KCNT2: variants seen among roughly 807,000 people sequenced by gnomAD.
The protein encoded by KCNT2 is potassium sodium-activated channel subfamily T member 2.
In KCNT2, 67 loss-of-function variants were observed where a neutral mutation model predicts 153.8. The observed-to-expected ratio is 0.44, with a 90% CI of 0.36 to 0.53. The LOEUF (loss-of-function observed/expected upper bound fraction) is 0.53. KCNT2 is among the 20% of genes least tolerant of loss of function. The pLI is 0.00. For missense variants in KCNT2, 975 were observed against 1,354.8 expected (o/e 0.72, Z 4.40); for synonymous variants, 500 against 458.8 (o/e 1.09, Z -1.15).
At chr1:196,410,708 C>CT (rs1434393108) in intron 12 of KCNT2, among the ~76,000 whole-genome samples, 1 of 37,472 alleles carries the variant, frequency 2.7e-5, no homozygotes, top group East Asian at 1.7e-3. Context: ...GTGCTCAGTG[C>CT]TTAAAAAAAA....
At chr1:196,414,310 G>T (rs1003420628) in intron 12 of KCNT2, among the ~76,000 whole-genome samples, 2 of 151,662 alleles carry the variant, frequency 1.3e-5, no homozygotes. Context: ...AATACTGCAA[G>T]ATTAATCAAT....
At position 196,365,609 on chromosome 1, in the gene KCNT2, CA is replaced by C. The variant is rs377364051; in HGVS notation, c.1403+7530del. ...TATTTGTTTGTTAATGTCATTGTTC[CA>C]AAAAAAATCTAAATAAAATTATGAA... On this transcript the variant is annotated intron_variant, in intron 14 of 27. Transcript: ENST00000294725. 3.6e-3 allele frequency among the ~76,000 whole-genome samples: 542 copies of C among 151,650 alleles called. 5 individuals are homozygous for C. The highest frequency in any genetic ancestry group is 0.012 in the African/African-American group (497 of 41,392).
intron 1 of KCNT2, among the ~76,000 whole-genome samples, chr1:196,558,528 A>G (rs1165369712): frequency 6.6e-6 from 1 of 151,396 alleles, no homozygotes; most frequent in Non-Finnish European, 1.5e-5. Context: ...CAACAAGGCA[A>G]TTATTATGTA....
chr1:196,248,593 A>G (rs1655659584), intron 26 of KCNT2, among the ~76,000 whole-genome samples: 1 of 152,114 alleles, frequency 6.6e-6, no homozygotes, highest in South Asian at 2.1e-4. Flanking sequence ...CAAGATTGAA[A>G]CATGAAGAAA....
chr1:196,418,234 G>T (rs1422688901), intron 12 of KCNT2, among the ~76,000 whole-genome samples: 5 of 152,142 alleles, frequency 3.3e-5, no homozygotes, highest in African/African-American at 1.2e-4. Context: ...CCAGCGCTTT[G>T]GGAGGCCAAG....
chr1:196,565,350 A>C (rs1001618516), intron 1 of KCNT2, among the ~76,000 whole-genome samples: 1 of 151,748 alleles, frequency 6.6e-6, no homozygotes, highest in Admixed American at 6.6e-5. Flanking sequence ...TGGAAGTGTG[A>C]ATTAGTAGAG....
At chr1:196,552,962 G>A (rs1012401467) in intron 1 of KCNT2, among the ~76,000 whole-genome samples, 1 of 150,994 alleles carries the variant, frequency 6.6e-6, no homozygotes, top group African/African-American at 2.4e-5. Context: ...CATACCATGA[G>A]AGAAAATCAA....
intron 1 of KCNT2, among the ~76,000 whole-genome samples, chr1:196,537,179 G>T (rs1337412627): frequency 1.3e-5 from 2 of 152,112 alleles, no homozygotes; most frequent in Admixed American, 6.5e-5. Context: ...CTAGGCAAGG[G>T]GAGCATTGCC....
rs373463544 is a variant in KCNT2 at position 196,394,586 on chromosome 1, C to A, written c.1294+3977G>T. ...TTAGAAATCTAATAAGAGATATTGA[C>A]CATGCAGTTGAAGATTCAAAACTGA... On this transcript the variant is annotated intron_variant, in intron 13 of 27. Coordinates refer to ENST00000294725, the MANE Select transcript of KCNT2 (RefSeq NM_198503.5). Among the ~76,000 whole-genome samples, 4 of 151,532 alleles carry A rather than the reference C, an allele frequency of 2.6e-5. No homozygotes were observed. The East Asian group carries it at 7.8e-4, about 30-fold the overall frequency.
rs142546287 is a variant in KCNT2 at position 196,340,393 on chromosome 1, C to T, written c.1731G>A (p.Ser577=). 0.06 allele frequency: 97,116 copies of T among 1,611,730 alleles called. 3,531 individuals carry two copies. Among genetic ancestry groups the T allele is most frequent in the Non-Finnish European group, 0.069 (81,504 of 1,178,594 alleles). The change falls in exon 16 of 28, where the codon TCG becomes TCA. Residue 577 remains serine (S), a synonymous_variant. Coordinates refer to ENST00000294725, the MANE Select transcript of KCNT2 (RefSeq NM_198503.5). The stretch of plus-strand genomic sequence containing the variant: ...GTAATCTGGAAGGTCCATGATAAAA[C>T]GACCTGGACACATTGCTTTTTCTCT... ...DQQRKSNVSR[S]FYHGPSRLPV...
rs553260401 is a variant in KCNT2 at position 196,265,252 on chromosome 1, A to C, written c.2911-6758T>G. On this transcript the variant is annotated intron_variant, in intron 25 of 27. Coordinates refer to ENST00000294725, the MANE Select transcript of KCNT2 (RefSeq NM_198503.5). ...ATGTTTTGCCTTGTTAATTTGTTGT[A>C]TTGTCGAGACAATTATGCTGTTTGA... is the stretch of plus-strand genomic sequence containing the variant. Among the ~76,000 whole-genome samples the C allele has an allele frequency of 6.2e-4, 94 of 152,204 alleles. 2 individuals are homozygous for C. In the South Asian group the frequency reaches 0.018, roughly 30 times the overall value.
chr1:196,485,306 G>A (rs1376830390), intron 3 of KCNT2, among the ~76,000 whole-genome samples: 1 of 151,930 alleles, frequency 6.6e-6, no homozygotes, highest in Non-Finnish European at 1.5e-5. Flanking sequence ...GGGATTGGGG[G>A]GCGAGGGGAA....
At chr1:196,331,056 A>G in intron 18 of KCNT2, 100 bp downstream of exon 18, 1 of 722,318 alleles carries the variant, frequency 1.4e-6, no homozygotes, top group Admixed American at 2.1e-5. Context: ...TACCCCTTAA[A>G]CATATTGTAA....
chr1:196,368,918 T>C (rs1345730797), intron 14 of KCNT2, among the ~76,000 whole-genome samples: 3 of 152,178 alleles, frequency 2.0e-5, no homozygotes, highest in African/African-American at 7.2e-5. Context: ...CTGCCAACTA[T>C]GTACTTCATT....
At chr1:196,385,876 A>G (rs532060469) in intron 13 of KCNT2, among the ~76,000 whole-genome samples, 1 of 151,804 alleles carries the variant, frequency 6.6e-6, no homozygotes, top group African/African-American at 2.4e-5. Context: ...GCCCCAAATA[A>G]CTCTTACATG....
chr1:196,241,588 A>G (rs750335194), intron 26 of KCNT2, among the ~76,000 whole-genome samples: 4 of 152,128 alleles, frequency 2.6e-5, no homozygotes, highest in African/African-American at 4.8e-5. Context: ...TAATCATTTT[A>G]TGATAGGCAA....
Position 196,286,639 on chromosome 1 carries a change from A to ACACACC in KCNT2, c.2596-882_2596-881insGGTGTG, listed in dbSNP as rs1491187661. ...ATATCACACACACACACACACACAT[A>ACACACC]CACACACACACACACACACACACAC... On this transcript the variant is annotated intron_variant, in intron 22 of 27. Transcript: ENST00000294725. Among the ~76,000 whole-genome samples the ACACACC allele has an allele frequency of 2.0e-4, 19 of 96,846 alleles. No homozygotes were observed. In the South Asian group the frequency reaches 3.2e-3, roughly 16 times the overall value. 63.5% of individuals were successfully genotyped at this position (96,846 alleles called of 152,430 possible).
chr1:196,280,865 A>G lies in KCNT2; in HGVS notation c.2905T>C (p.Ser969Pro). ...ATATTTTGTTATTTCCAAACCTCAG[A>G]TGTAGTAAGTTTCTGAGACTCAGTC... ...YRTESQKLTTSESQISISVEE... is the reference protein window; with the variant it reads ...YRTESQKLTTPESQISISVEE... Residue 969 changes from serine (S) to proline (P), a missense_variant, in exon 25 of 28, where the codon TCT becomes CCT. By Grantham distance (74) the Ser-to-Pro change is moderately conservative. This residue lies in a region of KCNT2 where 241 missense variants were observed against 271.1 expected (regional missense o/e 0.89). Coordinates refer to ENST00000294725, the MANE Select transcript of KCNT2 (RefSeq NM_198503.5). The G allele has an allele frequency of 2.5e-6, 4 of 1,612,192 alleles. No individual in the cohort carries two copies. The highest frequency in any genetic ancestry group is 3.4e-6 in the Non-Finnish European group (4 of 1,178,468).
chr1:196,445,346 G>A lies in KCNT2; in HGVS notation c.639-15589C>T, dbSNP rs919388775. ...TTTCCAAAAGAATATCTTGCTAGCT[G>A]CTGCCAGATAACAAGACCAAATAGT... On this transcript the variant is annotated intron_variant, in intron 8 of 27. Coordinates refer to ENST00000294725, the MANE Select transcript of KCNT2 (RefSeq NM_198503.5). 2.6e-5 allele frequency among the ~76,000 whole-genome samples: 4 copies of A among 151,422 alleles called. 1 individual carries two copies. The highest frequency in any genetic ancestry group is 9.6e-5 in the African/African-American group (4 of 41,474).
Sources: gnomAD v4.1 joint callset for allele counts (sites outside exome capture counted in the v4.1 genomes callset) on GRCh38, gnomAD v4.1.1 for gene constraint, gnomAD v4.1.1 regional missense constraint, MANE v1.5 for transcripts, NCBI Gene and HGNC (gene_info 2026-07-23, HGNC 2026-07-21) for gene names.